The following ZNF836 variants were observed in gnomAD, a reference collection of about 807,000 sequenced individuals.
ZNF836 encodes the protein zinc finger protein 836.
In ZNF836, 12 loss-of-function variants were observed where a neutral mutation model predicts 7.4. The ratio of observed to expected loss-of-function variants is 1.61; its 90% CI spans 1.03 to 2.61. ZNF836 has a LOEUF of 2.61. Ranked by LOEUF, ZNF836 falls within the 30% of genes most tolerant of loss-of-function variation. ZNF836 has a pLI of 0.00. For missense variants in ZNF836, 998 were observed against 1,126.2 expected (o/e 0.89, Z 1.63); for synonymous variants, 365 against 382.6 (o/e 0.95, Z 0.54).
rs889140716 is a variant in ZNF836 at position 52,161,315 on chromosome 19, A to G, written c.16-724T>C. Among the ~76,000 whole-genome samples the G allele has an allele frequency of 1.3e-5, 2 of 152,170 alleles. No individual in the cohort carries two copies. Among genetic ancestry groups the G allele is most frequent in the Non-Finnish European group, 2.9e-5 (2 of 68,032 alleles). Reference sequence around the variant, plus strand: ...GTAAAACAGACTGGGTAATTTATGAACAATAGAAATGTATTTCTCATGATT... The same window carrying G: ...GTAAAACAGACTGGGTAATTTATGAGCAATAGAAATGTATTTCTCATGATT... On this transcript the variant is annotated intron_variant, in intron 3 of 4. Transcript: ENST00000682614. This position sits in a 1 kb window ranked among gnomAD's most constrained non-coding sequence, Gnocchi z 4.1.
In ZNF836 at chr19:52,161,040, A is replaced by G. The variant is rs2089208805; in HGVS notation, c.16-449T>C. ...GAACACTCCCCATGTGCTGGGCATT[A>G]CTCCAAATGCTTTACATGTTCTAAT... On this transcript the variant is annotated intron_variant, in intron 3 of 4. Coordinates refer to ENST00000682614, the MANE Select transcript of ZNF836 (RefSeq NM_001102657.3). The surrounding 1 kb of genome is among the most constrained non-coding windows in gnomAD (Gnocchi z 4.1). Among the ~76,000 whole-genome samples, 1 of 152,300 alleles carries G rather than the reference A, an allele frequency of 6.6e-6. No individual in the cohort carries two copies. The highest frequency in any genetic ancestry group is 1.5e-5 in the Non-Finnish European group (1 of 68,032).
intron 4 of ZNF836, among the ~76,000 whole-genome samples, chr19:52,157,805 G>A (rs148869481): frequency 1.1e-3 from 160 of 152,108 alleles, no homozygotes; most frequent in South Asian, 1.9e-3. Flanking sequence ...TCCTGACCTC[G>A]TGATCCGCCC....
intron 3 of ZNF836, among the ~76,000 whole-genome samples, chr19:52,163,084 G>A (rs2089228585): frequency 6.6e-6 from 1 of 152,118 alleles, no homozygotes; most frequent in South Asian, 2.1e-4. Context: ...GGCACCCTGG[G>A]CCACTCCCTT....
rs1254376228 is a variant in ZNF836 at position 52,168,103 on chromosome 19, C to A, written c.-31G>T. On this transcript the variant is annotated 5_prime_UTR_variant, in exon 3 of 5. Transcript: ENST00000682614. ...ACTCCTTTTCTTTCCTCTTCTTCCT[C>A]TTCTGGGCTTCTCTCTCAGTCAATA... The A allele has an allele frequency of 1.7e-5, 27 of 1,608,742 alleles. No individual in the cohort carries two copies. The highest frequency in any genetic ancestry group is 2.2e-5 in the Non-Finnish European group (26 of 1,178,252).
At chr19:52,160,888 A>G (rs2089207617) in intron 3 of ZNF836, among the ~76,000 whole-genome samples, 1 of 152,248 alleles carries the variant, frequency 6.6e-6, no homozygotes, top group Non-Finnish European at 1.5e-5. Context: ...CAATATATCA[A>G]CTGAGTGTCC....
Position 52,160,513 on chromosome 19 carries a change from A to G in ZNF836, c.94T>C (p.Leu32=), listed in dbSNP as rs2089203775. 1 of 1,613,990 alleles carries G rather than the reference A, an allele frequency of 6.2e-7. No homozygotes were observed. ...WKSLDPVQKA[L]YWDVMLENYR... ...TTCTCCAACATCACATCCCAGTACAAAGCTTTCTGCACAGGGTCCAGGGAT... is the reference window on the plus strand; with the variant it reads ...TTCTCCAACATCACATCCCAGTACAGAGCTTTCTGCACAGGGTCCAGGGAT... The change falls in exon 4 of 5, where the codon TTG becomes CTG. Residue 32 remains leucine (L), a synonymous_variant. Coordinates refer to ENST00000682614, the MANE Select transcript of ZNF836 (RefSeq NM_001102657.3).
At chr19:52,166,982 T>G (rs2089270690) in intron 3 of ZNF836, among the ~76,000 whole-genome samples, 2 of 151,866 alleles carry the variant, frequency 1.3e-5, no homozygotes, top group Admixed American at 1.3e-4. Flanking sequence ...TGTTCAGTAA[T>G]AACTGGTGGA....
Position 52,156,005 on chromosome 19 carries a change from C to T in ZNF836, c.1678G>A (p.Gly560Ser). The T allele has an allele frequency of 6.2e-7, 1 of 1,614,030 alleles. No individual in the cohort carries two copies. The highest frequency in any genetic ancestry group is 1.3e-5 in the African/African-American group (1 of 75,062). ...TTTCCACTGTAATTGAAGACCTTGC[C>T]ACACACATTACATTTGTAAGGTTGC... The part of the protein sequence containing the change: ...GEQPYKCNVC[G>S]KVFNYSGNLS... Residue 560 changes from glycine (G) to serine (S), a missense_variant, in exon 5 of 5, where the codon GGC becomes AGC. Gly to Ser is a moderately conservative substitution (Grantham distance 56, BLOSUM62 0). Coordinates refer to ENST00000682614, the MANE Select transcript of ZNF836 (RefSeq NM_001102657.3).
chr19:52,156,968 C>A lies in ZNF836; in HGVS notation c.715G>T (p.Val239Leu), dbSNP rs1600138291. The A allele has an allele frequency of 1.2e-6, 2 of 1,614,144 alleles. No homozygotes were observed. The highest frequency in any genetic ancestry group is 2.2e-5 in the South Asian group (2 of 91,080). Reference sequence around the variant, plus strand: ...TTGTAAGGTTTCTCTGTAGTATGTACCATCTGATGGTTAATAAGACTTGAA... The same window carrying A: ...TTGTAAGGTTTCTCTGTAGTATGTAACATCTGATGGTTAATAAGACTTGAA... ...VSSSLINHQM[V>L]HTTEKPYKCN... Residue 239 changes from valine to leucine, a missense_variant, in exon 5 of 5, where the codon GTA (valine) becomes TTA (leucine). Val to Leu is a conservative substitution (Grantham distance 32). Transcript: ENST00000682614.
chr19:52,160,982 A>G (rs565445603), intron 3 of ZNF836, among the ~76,000 whole-genome samples: 2 of 152,354 alleles, frequency 1.3e-5, no homozygotes, highest in South Asian at 4.1e-4. Flanking sequence ...AAAAACTGTG[A>G]TGACCACAGC....
intron 4 of ZNF836, among the ~76,000 whole-genome samples, chr19:52,159,583 A>G (rs1389999086): frequency 6.6e-6 from 1 of 152,232 alleles, no homozygotes; most frequent in African/African-American, 2.4e-5. Flanking sequence ...TATCTGAGCC[A>G]TCATCCCCTG....
At chr19:52,164,898 G>A (rs1232891316) in intron 3 of ZNF836, among the ~76,000 whole-genome samples, 1 of 152,160 alleles carries the variant, frequency 6.6e-6, no homozygotes, top group East Asian at 1.9e-4. Flanking sequence ...GACCAGCTTG[G>A]TCAACATGGT....
At chr19:52,170,311 T>C (rs1259140674) in intron 1 of ZNF836, 1 of 152,352 alleles carries the variant, frequency 6.6e-6, no homozygotes, top group East Asian at 1.9e-4. Context: ...CGCCTCTTTT[T>C]CCCCATCTGA....
In ZNF836 at chr19:52,155,065, C is replaced by G; in HGVS notation, c.2618G>C (p.Arg873Pro). 2.5e-6 allele frequency: 4 copies of G among 1,614,096 alleles called. No individual in the cohort carries two copies. Among genetic ancestry groups the G allele is most frequent in the Non-Finnish European group, 3.4e-6 (4 of 1,180,008 alleles). The change falls in exon 5 of 5, where the codon CGG becomes CCG. Residue 873 changes from arginine (R) to proline (P), a missense_variant. Physicochemically the swap from Arg to Pro is moderately radical, Grantham distance 103 (BLOSUM62 -2). Coordinates refer to ENST00000682614, the MANE Select transcript of ZNF836 (RefSeq NM_001102657.3). ...KCIECGKAFGRFSCLNKHQMI... is the reference protein window; with the variant it reads ...KCIECGKAFGPFSCLNKHQMI... ...TTGGTGTTTGTTGAGGCAAGAAAAC[C>G]GCCCAAAGGCCTTGCCACATTCAAT...
chr19:52,155,610 C>T lies in ZNF836; in HGVS notation c.2073G>A (p.Glu691=), dbSNP rs372323472. The T allele has an allele frequency of 1.2e-6, 2 of 1,614,066 alleles. No individual in the cohort carries two copies. Among genetic ancestry groups the T allele is most frequent in the African/African-American group, 1.3e-5 (1 of 75,052 alleles). The change falls in exon 5 of 5, where the codon GAG becomes GAA. Residue 691 remains glutamate (E), a synonymous_variant. Coordinates refer to ENST00000682614, the MANE Select transcript of ZNF836 (RefSeq NM_001102657.3). The part of the protein sequence containing the change: ...LTKHLIIHTG[E]KPYNCNEFGG... ...CAAACTCATTACAATTGTAAGGTTT[C>T]TCTCCAGTATGAATTATCAGATGTT...
chr19:52,169,082 T>C (rs2089288752), intron 2 of ZNF836, among the ~76,000 whole-genome samples: 1 of 152,182 alleles, frequency 6.6e-6, no homozygotes, highest in Non-Finnish European at 1.5e-5. Context: ...GTTTGGAAAG[T>C]TTTTGAAAAA....
chr19:52,168,444 C>T lies in ZNF836; in HGVS notation c.-80-292G>A, dbSNP rs571907005. On this transcript the variant is annotated intron_variant, in intron 2 of 4. Transcript: ENST00000682614. ...CTCTACTAAAAATACAAAAATTAGC[C>T]GGGTGTGGTGGCATGCACCTGTAGT... Among the ~76,000 whole-genome samples, 235 of 152,028 alleles carry T rather than the reference C, an allele frequency of 1.5e-3. 10 individuals are homozygous for T. In the South Asian group the frequency reaches 0.045, roughly 29 times the overall value.
intron 4 of ZNF836, among the ~76,000 whole-genome samples, chr19:52,158,746 A>G (rs937467889): frequency 6.6e-6 from 1 of 152,124 alleles, no homozygotes; most frequent in Non-Finnish European, 1.5e-5. Context: ...CTGTCTCGGA[A>G]AAACAAACAA....
chr19:52,158,556 A>C (rs2089186668), intron 4 of ZNF836, among the ~76,000 whole-genome samples: 1 of 152,064 alleles, frequency 6.6e-6, no homozygotes, highest in Non-Finnish European at 1.5e-5. Flanking sequence ...TAGCCTGGCC[A>C]ACATGATGAA....
Sources: allele counts gnomAD v4.1 joint callset (sites outside exome capture counted in the v4.1 genomes callset), GRCh38; gene constraint gnomAD v4.1.1; non-coding constraint Gnocchi (gnomAD v3.1); transcripts MANE v1.5; gene names NCBI Gene and HGNC (gene_info 2026-07-23, HGNC 2026-07-21).